Variants in MBNL2 observed in about 807,000 individuals in gnomAD.
The protein encoded by MBNL2 is muscleblind like splicing regulator 2.
A neutral mutation model predicts 41.9 loss-of-function variants in MBNL2; 17 were observed. That is an observed-to-expected ratio of 0.41 (90% CI 0.28 to 0.61). The LOEUF (loss-of-function observed/expected upper bound fraction) is 0.61. Among genes scored for constraint, MBNL2 ranks in the 20% least tolerant of loss-of-function variants. The probability of loss-of-function intolerance (pLI) is 0.35; values close to 1 mark genes in which losing one functional copy is unlikely to be tolerated. For synonymous variants in MBNL2, 195 were observed against 182.9 expected (o/e 1.07, Z -0.53); for missense variants, 336 against 505.6 (o/e 0.66, Z 3.22).
chr13:97,331,854 T>A (rs2153060323), intron 2 of MBNL2, among the ~76,000 whole-genome samples: 1 of 152,350 alleles, frequency 6.6e-6, no homozygotes, highest in South Asian at 2.1e-4. Context: ...ACTAATTCAA[T>A]GTTGTAAAAT....
chr13:97,261,225 TTGG>T (rs2048561905), intron 1 of MBNL2, among the ~76,000 whole-genome samples: 1 of 152,166 alleles, frequency 6.6e-6, no homozygotes, highest in Admixed American at 6.5e-5. Context: ...ACAAACCCTC[TTGG>T]TGGGGAGTAT....
rs1024111108 is a variant in MBNL2, at chr13:97,290,165, T to C, written c.174+13756T>C. On this transcript the variant is annotated intron_variant, in intron 2 of 8. Transcript: ENST00000679496. ...ATTTGCTCAAATAAGCCCATTAAAT[T>C]TTTATTGTACCTCGGTTTACTCTTT... Among the ~76,000 whole-genome samples the C allele has an allele frequency of 4.6e-5, 7 of 152,354 alleles. No homozygotes were observed. The South Asian group carries it at 1.4e-3, about 32-fold the overall frequency.
At chr13:97,192,697 A>C in the MBNL2 span, among the ~76,000 whole-genome samples, 1 of 152,318 alleles carries the variant, frequency 6.6e-6, no homozygotes, top group African/African-American at 2.4e-5. Context: ...CAAGGACCTG[A>C]CCTGTAGAGA....
At chr13:97,200,165 G>A in the MBNL2 span, among the ~76,000 whole-genome samples, 2 of 152,218 alleles carry the variant, frequency 1.3e-5, no homozygotes, top group Non-Finnish European at 2.9e-5. Context: ...GGAGATGCTG[G>A]TACCTTTCAG....
chr13:97,332,302 C>G (rs905852994), intron 2 of MBNL2, among the ~76,000 whole-genome samples: 1 of 152,184 alleles, frequency 6.6e-6, no homozygotes, highest in Non-Finnish European at 1.5e-5. Context: ...TGGGCTGTGG[C>G]TATGTTTTGA....
chr13:97,266,153 A>G (rs1389659923), intron 1 of MBNL2, among the ~76,000 whole-genome samples: 1 of 152,102 alleles, frequency 6.6e-6, no homozygotes, highest in Non-Finnish European at 1.5e-5. Context: ...GAGGCAGGAG[A>G]ATCACTTGAA....
intron 8 of MBNL2, among the ~76,000 whole-genome samples, chr13:97,373,440 T>C (rs2064595078): frequency 6.6e-6 from 1 of 151,338 alleles, no homozygotes; most frequent in African/African-American, 2.4e-5. Flanking sequence ...AGGATTGAGA[T>C]TGAAACCTGC....
the MBNL2 span, among the ~76,000 whole-genome samples, chr13:97,154,792 A>AGGTT: frequency 2.1e-5 from 3 of 146,168 alleles, no homozygotes; most frequent in Non-Finnish European, 4.5e-5. Flanking sequence ...AAATGGTATA[A>AGGTT]GGATGGATGG....
chr13:97,378,574 C>T (rs1033046403), intron 8 of MBNL2, among the ~76,000 whole-genome samples: 15 of 152,178 alleles, frequency 9.9e-5, no homozygotes, highest in South Asian at 2.1e-4. Flanking sequence ...CAGAGAAATT[C>T]GGTTTATACT....
intron 1 of MBNL2, among the ~76,000 whole-genome samples, chr13:97,263,387 A>T (rs978567142): frequency 6.6e-6 from 1 of 152,182 alleles, no homozygotes; most frequent in African/African-American, 2.4e-5. Flanking sequence ...AACTATGCTG[A>T]TGTGTTACAC....
the MBNL2 span, chr13:97,179,277 ATTCTC>A: frequency 1.3e-5 from 2 of 152,122 alleles, no homozygotes; most frequent in Non-Finnish European, 2.9e-5. Context: ...AATACCATGA[ATTCTC>A]TTCTCTTATT....
At chr13:97,274,548 T>G (rs2051780355) in intron 1 of MBNL2, among the ~76,000 whole-genome samples, 1 of 152,150 alleles carries the variant, frequency 6.6e-6, no homozygotes, top group African/African-American at 2.4e-5. Context: ...TCTGAACTTA[T>G]TTGTTACCTG....
Position 97,346,793 on chromosome 13 carries a change from C to A in MBNL2, c.541-11C>A, listed in dbSNP as rs2061920173. 1 of 1,612,716 alleles carries A rather than the reference C, an allele frequency of 6.2e-7. No homozygotes were observed. The highest frequency in any genetic ancestry group is 8.5e-7 in the Non-Finnish European group (1 of 1,179,170). The stretch of plus-strand genomic sequence containing the variant: ...TTGCCTCTGCAGCGCGGCTCTTCTT[C>A]CCTGTCTTAGGTATGCAGGGAGTTC... On this transcript the variant is annotated splice_polypyrimidine_tract_variant and intron_variant, in intron 4 of 8. Transcript: ENST00000679496. The surrounding 1 kb of genome is among the most constrained non-coding windows in gnomAD (Gnocchi z 4.2).
intron 3 of MBNL2, among the ~76,000 whole-genome samples, chr13:97,341,183 GCAT>G (rs1423902732): frequency 2.6e-5 from 4 of 152,126 alleles, no homozygotes; most frequent in Non-Finnish European, 4.4e-5. Context: ...ATTTGGCCAT[GCAT>G]CAGATCATTT....
chr13:97,238,570 G>T (rs2043712205), intron 1 of MBNL2, among the ~76,000 whole-genome samples: 1 of 152,206 alleles, frequency 6.6e-6, no homozygotes, highest in African/African-American at 2.4e-5. Flanking sequence ...CCTATGAGGT[G>T]CAGAAGCCAA....
chr13:97,379,657 G>A (rs574030520), intron 8 of MBNL2, among the ~76,000 whole-genome samples: 3 of 113,622 alleles, frequency 2.6e-5, no homozygotes, highest in African/African-American at 3.4e-5. Flanking sequence ...GTCTCACTGC[G>A]AAGCCCCAAA....
At chr13:97,151,270 G>A in the MBNL2 span, among the ~76,000 whole-genome samples, 1 of 152,074 alleles carries the variant, frequency 6.6e-6, no homozygotes, top group Non-Finnish European at 1.5e-5. Flanking sequence ...TGCAAATAGG[G>A]GATGATTTAA....
At chr13:97,292,997 T>G (rs1023493041) in intron 2 of MBNL2, among the ~76,000 whole-genome samples, 50 of 152,148 alleles carry the variant, frequency 3.3e-4, no homozygotes, top group African/African-American at 1.2e-3. Flanking sequence ...GAACCTGTTC[T>G]TGATCTTAGC....
chr13:97,298,108 C>T (rs1207086039), intron 2 of MBNL2, among the ~76,000 whole-genome samples: 1 of 151,976 alleles, frequency 6.6e-6, no homozygotes, highest in African/African-American at 2.4e-5. Flanking sequence ...AGCACACCAG[C>T]ATGGCACATG....
Sources: gnomAD v4.1 joint callset for allele counts (sites outside exome capture counted in the v4.1 genomes callset) on GRCh38, gnomAD v4.1.1 for gene constraint, Gnocchi (gnomAD v3.1) non-coding constraint, MANE v1.5 for transcripts, NCBI Gene and HGNC (gene_info 2026-07-23, HGNC 2026-07-21) for gene names.